Variants in PM20D2 observed in about 807,000 individuals in gnomAD.
PM20D2 encodes the protein xaa-Arg dipeptidase.
In PM20D2, 33 loss-of-function variants were observed where a neutral mutation model predicts 42.9. The observed-to-expected ratio is 0.77, with a 90% CI of 0.58 to 1.03. The LOEUF (loss-of-function observed/expected upper bound fraction) is 1.03. PM20D2 is among the 50% of genes least tolerant of loss of function. The pLI is 0.00. For synonymous variants in PM20D2, 250 were observed against 228.2 expected (o/e 1.10, Z -0.86); for missense variants, 548 against 557.0 (o/e 0.98, Z 0.16).
chr6:89,123,749 CAGA>C, the PM20D2 span, among the ~76,000 whole-genome samples: 68 of 145,440 alleles, frequency 4.7e-4, 1 homozygote, highest in Middle Eastern at 4.0e-3. Flanking sequence ...GGTTTATAGA[CAGA>C]AGGAGAGCCA....
At chr6:89,119,393 T>G in the PM20D2 span, among the ~76,000 whole-genome samples, 2 of 152,130 alleles carry the variant, frequency 1.3e-5, no homozygotes, top group African/African-American at 4.8e-5. Context: ...GGGTAAAGAA[T>G]GGAGAAGAGT....
chr6:89,121,655 A>G, the PM20D2 span, among the ~76,000 whole-genome samples: 4 of 152,208 alleles, frequency 2.6e-5, no homozygotes, highest in African/African-American at 9.6e-5. Flanking sequence ...CAGGCTTAGG[A>G]GAGTTAATGT....
chr6:89,153,239 A>C (rs1170412817), intron 3 of PM20D2, 54 bp downstream of exon 3: 3 of 1,294,304 alleles, frequency 2.3e-6, no homozygotes, highest in South Asian at 2.3e-5. Flanking sequence ...AGTTCAGTGC[A>C]GTATAATTAT....
At chr6:89,145,786 C>T (rs568952764), upstream of PM20D2, among the ~76,000 whole-genome samples, 41 of 152,316 alleles carry the variant, frequency 2.7e-4, no homozygotes, top group South Asian at 5.2e-3. Flanking sequence ...AACTAATAAC[C>T]GTTCTCATTC....
At chr6:89,146,661 G>T in intron 1 of PM20D2, 52 bp downstream of exon 1, 3 of 1,316,914 alleles carry the variant, frequency 2.3e-6, no homozygotes, top group Admixed American at 3.9e-5. Flanking sequence ...GGTCGGGGGC[G>T]ACCCGGGAAG....
the PM20D2 span, among the ~76,000 whole-genome samples, chr6:89,099,621 C>T: frequency 6.6e-6 from 1 of 151,344 alleles, no homozygotes; most frequent in African/African-American, 2.4e-5. Flanking sequence ...CCGCAACCTC[C>T]GCCTCCCAGG....
At chr6:89,161,068 A>G (rs900553008) in intron 5 of PM20D2, among the ~76,000 whole-genome samples, 2 of 152,212 alleles carry the variant, frequency 1.3e-5, no homozygotes, top group Non-Finnish European at 2.9e-5. Context: ...TAATGATAGC[A>G]TAGGCTGAGG....
intron 3 of PM20D2, among the ~76,000 whole-genome samples, chr6:89,154,033 A>G (rs1203664368): frequency 3.9e-5 from 6 of 152,168 alleles, no homozygotes; most frequent in Admixed American, 1.3e-4. Context: ...TTTAATATCT[A>G]TTCTTTACCT....
chr6:89,135,147 T>TA, the PM20D2 span, among the ~76,000 whole-genome samples: 1 of 151,214 alleles, frequency 6.6e-6, no homozygotes, highest in Admixed American at 6.6e-5. Flanking sequence ...AATGGTCATT[T>TA]AAAATCTTAA....
chr6:89,161,983 A>T lies in PM20D2; in HGVS notation c.1156+93A>T, dbSNP rs1771257133. 3 of 1,473,162 alleles carry T rather than the reference A, an allele frequency of 2.0e-6. No individual in the cohort carries two copies. In the South Asian group the frequency reaches 3.5e-5, roughly 17 times the overall value. The allele number at this position is 1,473,162 out of a possible 1,614,324, so 91.3% of individuals were successfully genotyped here. On this transcript the variant is annotated intron_variant, in intron 6 of 6. Transcript: ENST00000275072. Reference sequence around the variant, plus strand: ...TTAACCTACTATTTCACTACATAACATCACCTCAGTAAATACTGCACTGTG... The same window carrying T: ...TTAACCTACTATTTCACTACATAACTTCACCTCAGTAAATACTGCACTGTG...
At chr6:89,132,897 T>C in the PM20D2 span, among the ~76,000 whole-genome samples, 1 of 150,078 alleles carries the variant, frequency 6.7e-6, no homozygotes, top group Non-Finnish European at 1.5e-5. Flanking sequence ...ATTTTAATCT[T>C]TTTTTTTAAT....
At chr6:89,119,065 G>A in the PM20D2 span, among the ~76,000 whole-genome samples, 2 of 152,146 alleles carry the variant, frequency 1.3e-5, no homozygotes, top group Non-Finnish European at 2.9e-5. Flanking sequence ...AATACATGTC[G>A]TGGTCACCCT....
At chr6:89,104,555 CT>C in the PM20D2 span, among the ~76,000 whole-genome samples, 67 of 150,782 alleles carry the variant, frequency 4.4e-4, 1 homozygote, top group Middle Eastern at 6.9e-3. Flanking sequence ...TTTTTTTTTA[CT>C]TTTTTTTTCT....
chr6:89,155,142 C>T (rs1491004370), intron 4 of PM20D2, among the ~76,000 whole-genome samples: 1 of 150,618 alleles, frequency 6.6e-6, no homozygotes, highest in Non-Finnish European at 1.5e-5. Context: ...TCTGATACTT[C>T]TATGCTAGAA....
intron 1 of PM20D2, among the ~76,000 whole-genome samples, chr6:89,148,324 A>G (rs1483859043): frequency 6.6e-6 from 1 of 152,176 alleles, no homozygotes; most frequent in East Asian, 1.9e-4. Context: ...AGCAAGGTTA[A>G]GTTATTAATT....
At chr6:89,108,431 C>T in the PM20D2 span, among the ~76,000 whole-genome samples, 1 of 152,146 alleles carries the variant, frequency 6.6e-6, no homozygotes, top group East Asian at 1.9e-4. Context: ...ACAGAGTAAC[C>T]TATCTAAGCT....
chr6:89,152,391 AC>A (rs1006834383), intron 2 of PM20D2, among the ~76,000 whole-genome samples: 3 of 152,178 alleles, frequency 2.0e-5, no homozygotes, highest in African/African-American at 7.2e-5. Context: ...TAACTATTCA[AC>A]ACGCAATCCT....
At chr6:89,134,482 C>G in the PM20D2 span, among the ~76,000 whole-genome samples, 1 of 151,140 alleles carries the variant, frequency 6.6e-6, no homozygotes, top group Non-Finnish European at 1.5e-5. Flanking sequence ...CTCGGTCTTT[C>G]TTTGGTGGTG....
At chr6:89,151,256 A>G (rs1248724004) in intron 2 of PM20D2, among the ~76,000 whole-genome samples, 3 of 137,010 alleles carry the variant, frequency 2.2e-5, no homozygotes, top group East Asian at 2.2e-4. Context: ...TTTCCGAGAG[A>G]GTCTCGTTTT....
Sources: gnomAD v4.1 joint callset for allele counts (sites outside exome capture counted in the v4.1 genomes callset) on GRCh38, gnomAD v4.1.1 for gene constraint, MANE v1.5 for transcripts, NCBI Gene and HGNC (gene_info 2026-07-23, HGNC 2026-07-21) for gene names.